CSMD2: variants seen among roughly 807,000 people sequenced by gnomAD.
The protein encoded by CSMD2 is CUB and sushi domain-containing protein 2.
Under a neutral mutation model 398.5 loss-of-function variants are expected in CSMD2, and 130 were observed. The ratio of observed to expected loss-of-function variants is 0.33; its 90% confidence interval spans 0.28 to 0.38. CSMD2 has a LOEUF of 0.38. Ranked by LOEUF, CSMD2 falls within the 10% of genes least tolerant of loss-of-function variation. CSMD2 has a pLI of 1.00. For missense variants in CSMD2, 3,829 were observed against 4,764.9 expected, an observed-to-expected ratio of 0.80 and a Z score of 5.78; for synonymous variants, 1,828 against 1,908.5, an observed-to-expected ratio of 0.96 and a Z score of 1.10.
chr1:33,552,913 C>T (rs759523758), intron 55 of CSMD2, among the ~76,000 whole-genome samples: 2 of 152,022 alleles, frequency 1.3e-5, no homozygotes, highest in African/African-American at 2.4e-5. Flanking sequence ...TAAAAGAATG[C>T]ATTTTATGGT....
At chr1:33,737,932 T>C (rs1315028944) in intron 15 of CSMD2, among the ~76,000 whole-genome samples, 1 of 152,050 alleles carries the variant, frequency 6.6e-6, no homozygotes, top group Non-Finnish European at 1.5e-5. Flanking sequence ...TCCTTTTTTT[T>C]CCAGCTGGAA....
At chr1:33,831,709 C>A (rs545440497) in intron 6 of CSMD2, among the ~76,000 whole-genome samples, 38 of 152,194 alleles carry the variant, frequency 2.5e-4, no homozygotes, top group Middle Eastern at 3.4e-3. Context: ...TAAAAGACAT[C>A]GACTGGTAAA....
At chr1:33,669,898 C>T (rs1412955853) in intron 25 of CSMD2, among the ~76,000 whole-genome samples, 3 of 152,114 alleles carry the variant, frequency 2.0e-5, no homozygotes, top group East Asian at 1.9e-4. Flanking sequence ...ACAAGGAATG[C>T]GAAGGGTTCC....
intron 5 of CSMD2, among the ~76,000 whole-genome samples, chr1:33,872,098 T>G (rs1394757546): frequency 6.6e-6 from 1 of 152,196 alleles, no homozygotes; most frequent in African/African-American, 2.4e-5. Context: ...AACCATATCA[T>G]GGAGGAGGGA....
intron 60 of CSMD2, 129 bp downstream of exon 60, chr1:33,540,396 T>C: frequency 3.5e-6 from 3 of 868,464 alleles, no homozygotes; most frequent in Non-Finnish European, 5.4e-6. Context: ...ATAGTGTCTT[T>C]GATGAAGCTC....
In CSMD2 at chr1:33,847,046, A is replaced by G. The variant is rs536929056; in HGVS notation, c.921-50T>C. The G allele has an allele frequency of 9.6e-5, 120 of 1,245,776 alleles. 2 individuals carry two copies. The South Asian group carries it at 1.5e-3, about 16-fold the overall frequency. The allele number at this position is 1,245,776 out of a possible 1,614,324, so 77.2% of individuals were successfully genotyped here. A position where few individuals can be genotyped will look rare whatever the true frequency, so the allele number is the denominator to read the frequency against. On this transcript the variant is annotated intron_variant, in intron 5 of 70. Transcript: ENST00000373381. ...CTCAGGGACCAGAGCTGAGTGGTATAGGTGTATGAGCATTCAGGAGTTCCT... is the reference window on the plus strand; with the variant it reads ...CTCAGGGACCAGAGCTGAGTGGTATGGGTGTATGAGCATTCAGGAGTTCCT...
rs59695412 is a variant in CSMD2, at chr1:33,708,591, C to CTTATTA, written c.3576+492_3576+497dup. Among the ~76,000 whole-genome samples, 1,170 of 141,070 alleles carry CTTATTA rather than the reference C, an allele frequency of 8.3e-3. 7 individuals carry two copies. Among genetic ancestry groups the CTTATTA allele is most frequent in the African/African-American group, 0.024 (909 of 37,884 alleles). The allele number at this position is 141,070 out of a possible 152,430, so 92.5% of individuals were successfully genotyped here. On this transcript the variant is annotated intron_variant, in intron 22 of 70. Transcript: ENST00000373381. ...GGATCCATTGGCTGCTCCAACCGAA[C>CTTATTA]TTATTATTATTATTATTATTATTAT...
intron 21 of CSMD2, 198 bp from the exon 22 acceptor site, chr1:33,709,456 T>C (rs1645911262): frequency 1.8e-6 from 1 of 563,130 alleles, no homozygotes; most frequent in Admixed American, 3.4e-5. Context: ...TCCCTACCTA[T>C]GGTGCTGCCT....
intron 10 of CSMD2, among the ~76,000 whole-genome samples, chr1:33,798,076 C>T (rs181607075): frequency 1.3e-3 from 197 of 152,282 alleles, no homozygotes; most frequent in Middle Eastern, 3.4e-3. Context: ...TGTACTAGCA[C>T]TCTCTTTTTT....
chr1:33,839,532 G>T, intron 6 of CSMD2: 1 of 160,870 alleles, frequency 6.2e-6, no homozygotes, highest in South Asian at 2.0e-4. Context: ...AGGAAAAGGT[G>T]ACAAGACTCA....
intron 5 of CSMD2, among the ~76,000 whole-genome samples, chr1:33,904,550 G>A (rs1172903402): frequency 6.6e-6 from 1 of 152,026 alleles, no homozygotes; most frequent in Non-Finnish European, 1.5e-5. Flanking sequence ...CATTTGGGAA[G>A]GCAAAAAAGG....
intron 3 of CSMD2, among the ~76,000 whole-genome samples, chr1:33,991,987 C>T (rs926129466): frequency 2.0e-5 from 3 of 151,586 alleles, no homozygotes; most frequent in South Asian, 2.1e-4. Context: ...AAAGAGGCAC[C>T]GTGTTGCTAA....
chr1:33,720,756 G>A (rs945130745), intron 19 of CSMD2, among the ~76,000 whole-genome samples: 2 of 152,188 alleles, frequency 1.3e-5, no homozygotes, highest in African/African-American at 4.8e-5. Flanking sequence ...GGAGTGCAAT[G>A]GCACGATCTC....
chr1:34,118,751 T>A (rs928339457), intron 1 of CSMD2, among the ~76,000 whole-genome samples: 2 of 152,186 alleles, frequency 1.3e-5, no homozygotes, highest in South Asian at 4.1e-4. Flanking sequence ...CTGAAAACTA[T>A]AGAACATTGC....
chr1:33,707,635 A>T, intron 22 of CSMD2, among the ~76,000 whole-genome samples: 1 of 151,198 alleles, frequency 6.6e-6, no homozygotes, highest in Non-Finnish European at 1.5e-5. Context: ...GGGTTCAAAA[A>T]GGATTAGGTA....
intron 68 of CSMD2, among the ~76,000 whole-genome samples, chr1:33,520,694 G>A (rs973202441): frequency 6.6e-6 from 1 of 152,260 alleles, no homozygotes; most frequent in African/African-American, 2.4e-5. Context: ...AGCAGACCGT[G>A]GCTCAGTCCA....
chr1:33,711,598 C>T (rs1645991846), intron 21 of CSMD2, among the ~76,000 whole-genome samples: 1 of 152,190 alleles, frequency 6.6e-6, no homozygotes, highest in African/African-American at 2.4e-5. Context: ...TGGCAGAAAG[C>T]CTGAGAAGCA....
At chr1:34,074,744 A>G (rs573794667) in intron 2 of CSMD2, among the ~76,000 whole-genome samples, 13 of 151,734 alleles carry the variant, frequency 8.6e-5, no homozygotes, top group Admixed American at 2.0e-4. Flanking sequence ...ACACACACAC[A>G]CGCGTGTGTA....
At chr1:33,771,365 T>C (rs1357442184) in intron 13 of CSMD2, among the ~76,000 whole-genome samples, 1 of 152,156 alleles carries the variant, frequency 6.6e-6, no homozygotes, top group East Asian at 1.9e-4. Flanking sequence ...GCTAATGCTG[T>C]TGGGCTCTAT....
Sources: allele counts gnomAD v4.1 joint callset (sites outside exome capture counted in the v4.1 genomes callset), GRCh38; gene constraint gnomAD v4.1.1; transcripts MANE v1.5; gene names NCBI Gene and HGNC (gene_info 2026-07-23, HGNC 2026-07-21).